GALK2: variants seen among roughly 807,000 people sequenced by gnomAD.
GALK2 encodes the protein galactokinase 2, also known as N-acetylgalactosamine kinase.
GALK2 carries 36 observed loss-of-function variants against 52.4 expected under a neutral mutation model. The observed-to-expected ratio is 0.69, with a 90% CI of 0.53 to 0.91. The LOEUF (loss-of-function observed/expected upper bound fraction) is 0.91. GALK2 is among the 40% of genes least tolerant of loss of function. The probability of loss-of-function intolerance (pLI) is 0.00; values close to 1 mark genes in which losing one functional copy is unlikely to be tolerated. For missense variants in GALK2, 579 were observed against 559.1 expected (o/e 1.04, Z -0.36); for synonymous variants, 176 against 199.1 (o/e 0.88, Z 0.98).
At chr15:49,232,771 C>T (rs1430709977) in intron 3 of GALK2, among the ~76,000 whole-genome samples, 1 of 152,216 alleles carries the variant, frequency 6.6e-6, no homozygotes, top group Non-Finnish European at 1.5e-5. Flanking sequence ...CTAGATGCCT[C>T]CAGGCTCTTT....
intron 8 of GALK2, among the ~76,000 whole-genome samples, chr15:49,295,965 A>G (rs906630243): frequency 1.3e-5 from 2 of 152,080 alleles, no homozygotes; most frequent in African/African-American, 4.8e-5. Context: ...AAATACAAAG[A>G]GCAATTTGCT....
At chr15:49,277,137 ATTTTTTTTTTTTTTTTTTTTTT>A (rs1272500341) in intron 5 of GALK2, among the ~76,000 whole-genome samples, 16 of 35,942 alleles carry the variant, frequency 4.5e-4, no homozygotes, top group African/African-American at 1.3e-3. Flanking sequence ...TAATTTTTGT[ATTTTTTTTTTTTTTTTTTTTTT>A]TTTTTTTTTT....
chr15:49,341,737 T>G (rs956552702), intron 3 of GALK2, among the ~76,000 whole-genome samples: 2 of 152,208 alleles, frequency 1.3e-5, no homozygotes, highest in African/African-American at 4.8e-5. Context: ...GAGATTTTGG[T>G]ATGTTCTGGT....
At chr15:49,345,701 C>G (rs2041375413) in intron 3 of GALK2, among the ~76,000 whole-genome samples, 2 of 152,148 alleles carry the variant, frequency 1.3e-5, no homozygotes, top group African/African-American at 4.8e-5. Context: ...TAAAATAGTC[C>G]TTTTCTGGGA....
At chr15:49,245,655 A>G (rs980912777) in intron 5 of GALK2, among the ~76,000 whole-genome samples, 2 of 152,148 alleles carry the variant, frequency 1.3e-5, no homozygotes, top group South Asian at 2.1e-4. Flanking sequence ...AAGAAAATAC[A>G]GGCATCTTCC....
intron 6 of GALK2, among the ~76,000 whole-genome samples, chr15:49,282,703 G>A (rs1414200553): frequency 6.6e-6 from 1 of 152,138 alleles, no homozygotes; most frequent in East Asian, 1.9e-4. Flanking sequence ...TTCCAAAATA[G>A]AGCAAACATT....
At position 49,239,827 on chromosome 15, in the gene GALK2, C is replaced by T. The variant is rs539661959; in HGVS notation, c.504+460C>T. Among the ~76,000 whole-genome samples the T allele has an allele frequency of 4.6e-5, 7 of 152,162 alleles. No individual in the cohort carries two copies. The East Asian group carries it at 5.8e-4, about 13-fold the overall frequency. On this transcript the variant is annotated intron_variant, in intron 5 of 9. Transcript: ENST00000560031. Reference sequence around the variant, plus strand: ...AACTTTAAAATATTGCATTACAAGACGAAATGCTTATTTAAAGGAAATATA... The same window carrying T: ...AACTTTAAAATATTGCATTACAAGATGAAATGCTTATTTAAAGGAAATATA...
chr15:49,200,235 T>G (rs1212139188), intron 1 of GALK2, among the ~76,000 whole-genome samples: 11 of 152,160 alleles, frequency 7.2e-5, no homozygotes, highest in African/African-American at 2.4e-4. Flanking sequence ...AATTCTCAAA[T>G]TTTAGGGAAG....
chr15:49,248,269 T>C (rs972688993), intron 5 of GALK2, among the ~76,000 whole-genome samples: 1 of 152,140 alleles, frequency 6.6e-6, no homozygotes, highest in Non-Finnish European at 1.5e-5. Flanking sequence ...ATAAGAAAAA[T>C]CAGAAACCAA....
intron 5 of GALK2, among the ~76,000 whole-genome samples, chr15:49,243,797 A>C (rs1432682142): frequency 2.6e-5 from 4 of 152,082 alleles, no homozygotes; most frequent in Admixed American, 1.3e-4. Context: ...GCTTTTGCAT[A>C]TTAAAAATAT....
intron 5 of GALK2, among the ~76,000 whole-genome samples, chr15:49,256,128 A>T (rs954009850): frequency 6.6e-6 from 1 of 152,154 alleles, no homozygotes; most frequent in Non-Finnish European, 1.5e-5. Context: ...CAAAGAAAAT[A>T]CCAAGCAACG....
chr15:49,219,352 T>C (rs1263976929), intron 3 of GALK2, among the ~76,000 whole-genome samples: 1 of 152,154 alleles, frequency 6.6e-6, no homozygotes, highest in African/African-American at 2.4e-5. Context: ...CCTGACACCA[T>C]TGATATAAGA....
rs560491341 is a variant in GALK2 at position 49,195,780 on chromosome 15, T to G, written c.54-5382T>G. On this transcript the variant is annotated intron_variant, in intron 1 of 9. Transcript: ENST00000560031. ...TTAGAGGGTAGAGCCAGGGAGAGGA[T>G]TTCTACATGTGGTTTGGCTGGTGGC... Among the ~76,000 whole-genome samples the G allele has an allele frequency of 1.1e-3, 171 of 152,002 alleles. 3 individuals are homozygous for G. The highest frequency in any genetic ancestry group is 1.1e-3 in the Non-Finnish European group (75 of 67,952).
chr15:49,306,862 G>A (rs2035584993), intron 8 of GALK2, among the ~76,000 whole-genome samples: 1 of 152,150 alleles, frequency 6.6e-6, no homozygotes, highest in Admixed American at 6.6e-5. Flanking sequence ...GCTCATCCAG[G>A]GAGCAGCTTC....
chr15:49,365,841 G>A (rs996934322), intron 3 of GALK2: 18 of 886,042 alleles, frequency 2.0e-5, no homozygotes, highest in African/African-American at 1.6e-4. Context: ...TGCTTTTGCC[G>A]CGACACTCAA....
chr15:49,328,612 G>GTGA lies in GALK2; in HGVS notation c.*469_*471dup, dbSNP rs747851240. The GTGA allele has an allele frequency of 5.6e-5, 89 of 1,590,934 alleles. No homozygotes were observed. Among genetic ancestry groups the GTGA allele is most frequent in the African/African-American group, 2.9e-4 (22 of 74,828 alleles). ...AAGTTGTAGTTGTCTGTTGATGATG[G>GTGA]TGATGATGATGATGATGACGATAGT... On this transcript the variant is annotated 3_prime_UTR_variant, in exon 10 of 10. Transcript: ENST00000560031.
At chr15:49,177,425 A>G (rs1257422939) in intron 1 of GALK2, among the ~76,000 whole-genome samples, 1 of 152,242 alleles carries the variant, frequency 6.6e-6, no homozygotes, top group East Asian at 1.9e-4. Flanking sequence ...CTTACTAGAA[A>G]CAAGAGACAT....
chr15:49,157,287 C>G (rs1166035500), intron 1 of GALK2, among the ~76,000 whole-genome samples: 2 of 152,108 alleles, frequency 1.3e-5, no homozygotes, highest in African/African-American at 4.8e-5. Context: ...CTGACATTTT[C>G]TTGCTAGGGA....
intron 1 of GALK2, chr15:49,161,877 C>T (rs2084663493): frequency 6.5e-6 from 1 of 152,904 alleles, no homozygotes; most frequent in African/African-American, 2.4e-5. Flanking sequence ...CACCACCACG[C>T]CCAGCTAATT....
Sources: gnomAD v4.1 joint callset for allele counts (sites outside exome capture counted in the v4.1 genomes callset) on GRCh38, gnomAD v4.1.1 for gene constraint, MANE v1.5 for transcripts, NCBI Gene and HGNC (gene_info 2026-07-23, HGNC 2026-07-21) for gene names.